DRC4: variants seen among roughly 807,000 people sequenced by gnomAD.
The protein encoded by DRC4 is GAS-11.
the DRC4 span, chr16:90,031,524 A>T: frequency 6.5e-7 from 1 of 1,538,472 alleles, no homozygotes; most frequent in Non-Finnish European, 8.8e-7. Flanking sequence ...GCACGTGCTA[A>T]CCTGGTCACC....
chr16:90,043,680 C>CT, the DRC4 span: 1 of 525,324 alleles, frequency 1.9e-6, no homozygotes, highest in Non-Finnish European at 3.8e-6. Flanking sequence ...GCTGTGCTGC[C>CT]TGTCTTCGCG....
chr16:90,032,705 C>G, the DRC4 span: 2 of 1,612,716 alleles, frequency 1.2e-6, no homozygotes, highest in East Asian at 2.2e-5. Flanking sequence ...ATGGTACTCC[C>G]ATTGCCCTGC....
At chr16:90,028,691 G>T in the DRC4 span, among the ~76,000 whole-genome samples, 10 of 152,202 alleles carry the variant, frequency 6.6e-5, no homozygotes, top group African/African-American at 2.4e-4. Flanking sequence ...GGCTCCTGGA[G>T]ACGGCAGTGT....
the DRC4 span, chr16:90,020,817 AT>A: frequency 6.6e-6 from 1 of 152,368 alleles, no homozygotes; most frequent in South Asian, 2.1e-4. Flanking sequence ...GAAAGGAATT[AT>A]TGTTAATACA....
At chr16:90,040,286 C>T in the DRC4 span, 101 of 1,561,686 alleles carry the variant, frequency 6.5e-5, no homozygotes, top group Middle Eastern at 9.5e-4. Flanking sequence ...CCACCCCCAG[C>T]GCTGTCCCTA....
chr16:90,042,133 G>A, the DRC4 span, among the ~76,000 whole-genome samples: 3 of 151,814 alleles, frequency 2.0e-5, no homozygotes, highest in African/African-American at 4.8e-5. Flanking sequence ...ACGGGGTTTC[G>A]CCACGTTGGC....
chr16:90,029,201 C>CGGGGCAGGCTGCGGGGCAGCCTACG, the DRC4 span: 6 of 1,355,774 alleles, frequency 4.4e-6, no homozygotes, highest in Non-Finnish European at 5.9e-6. Flanking sequence ...GGGCAGCCTA[C>CGGGGCAGGCTGCGGGGCAGCCTACG]GGGGCAGGCT....
chr16:90,037,002 G>C, the DRC4 span: 11 of 585,596 alleles, frequency 1.9e-5, 1 homozygote, highest in South Asian at 2.3e-4. Flanking sequence ...GTGGAATCTT[G>C]AACAAAGTAT....
the DRC4 span, chr16:90,029,585 G>C: frequency 3.4e-6 from 1 of 295,652 alleles, no homozygotes; most frequent in Non-Finnish European, 6.9e-6. Flanking sequence ...TTGGATTCGG[G>C]GGTGCGTGTC....
chr16:90,043,160 G>T, the DRC4 span: 4 of 1,584,260 alleles, frequency 2.5e-6, no homozygotes, highest in African/African-American at 5.4e-5. Flanking sequence ...TGAGCGTGGG[G>T]ACCCTCAGCT....
At chr16:90,042,342 T>A in the DRC4 span, 1 of 739,106 alleles carries the variant, frequency 1.4e-6, no homozygotes, top group East Asian at 2.7e-5. Context: ...CCTGTGTGGA[T>A]GGATGCATCC....
chr16:90,032,662 G>T, the DRC4 span: 2 of 1,551,904 alleles, frequency 1.3e-6, no homozygotes, highest in Admixed American at 1.7e-5. Flanking sequence ...GCACAGGTAC[G>T]GAAAGGTGAG....
At chr16:90,024,011 G>A in the DRC4 span, among the ~76,000 whole-genome samples, 1 of 151,366 alleles carries the variant, frequency 6.6e-6, no homozygotes, top group Non-Finnish European at 1.5e-5. Context: ...AGGGTGTAGT[G>A]GCTGACGCCT....
chr16:90,039,922 T>G, the DRC4 span: 1 of 300,124 alleles, frequency 3.3e-6, no homozygotes, highest in South Asian at 3.6e-5. Context: ...AAGCTCGGCC[T>G]GCTGGATGCC....
chr16:90,025,247 G>A, the DRC4 span, among the ~76,000 whole-genome samples: 1 of 150,658 alleles, frequency 6.6e-6, no homozygotes, highest in South Asian at 2.1e-4. Context: ...TTGAACTGCT[G>A]ACCTCAAGTG....
the DRC4 span, chr16:90,035,834 C>T: frequency 6.4e-7 from 1 of 1,552,998 alleles, no homozygotes; most frequent in South Asian, 1.2e-5. Flanking sequence ...TGGAAGTTTC[C>T]AAGGCCAGTG....
chr16:90,032,703 C>T, the DRC4 span: 5 of 1,612,710 alleles, frequency 3.1e-6, no homozygotes, highest in South Asian at 3.3e-5. Context: ...AGATGGTACT[C>T]CCATTGCCCT....
At chr16:90,035,134 C>T in the DRC4 span, among the ~76,000 whole-genome samples, 3 of 152,190 alleles carry the variant, frequency 2.0e-5, no homozygotes, top group East Asian at 1.9e-4. Context: ...AACTCCCGAC[C>T]TCAGGTGGTC....
chr16:90,044,601 A>C, the DRC4 span: 1 of 471,110 alleles, frequency 2.1e-6, no homozygotes, highest in Non-Finnish European at 4.4e-6. Context: ...GGTCCAGGAC[A>C]GTGACCATCT....
Sources: gnomAD v4.1 joint callset for allele counts (sites outside exome capture counted in the v4.1 genomes callset) on GRCh38, gnomAD v4.1.1 for gene constraint, MANE v1.5 for transcripts, NCBI Gene and HGNC (gene_info 2026-07-23, HGNC 2026-07-21) for gene names.